RBBP9: variants seen among roughly 807,000 people sequenced by gnomAD.
RBBP9 encodes the protein RB binding protein 9, serine hydrolase, also known as serine hydrolase RBBP9.
A neutral mutation model predicts 24.2 loss-of-function variants in RBBP9; 20 were observed. The observed-to-expected ratio is 0.83, with a 90% CI of 0.58 to 1.20. The LOEUF is 1.20. Ranked by LOEUF, RBBP9 falls within the 50% of genes most tolerant of loss-of-function variation. RBBP9 has a pLI of 0.00. For synonymous variants in RBBP9, 74 were observed against 84.6 expected, an observed-to-expected ratio of 0.87 and a Z score of 0.69; for missense variants, 234 against 233.6, an observed-to-expected ratio of 1.00 and a Z score of -0.01.
chr20:18,496,005 G>A, intron 1 of RBBP9, 125 bp from the exon 2 acceptor site: 1 of 827,952 alleles, frequency 1.2e-6, no homozygotes, highest in South Asian at 1.9e-5. Context: ...GTTATGAAAT[G>A]AAGTAGGTTA....
At chr20:18,495,644 GAAA>G (rs11476688) in intron 2 of RBBP9, among the ~76,000 whole-genome samples, 191 bp downstream of exon 2, 1 of 91,728 alleles carries the variant, frequency 1.1e-5, no homozygotes, top group Non-Finnish European at 2.3e-5. Context: ...TCACAGAATT[GAAA>G]AAAAAAAAAA....
chr20:18,491,906 G>T (rs1350595712), intron 3 of RBBP9, among the ~76,000 whole-genome samples: 1 of 151,932 alleles, frequency 6.6e-6, no homozygotes, highest in East Asian at 1.9e-4. Flanking sequence ...AGACCAGCCT[G>T]ACCAATATGG....
In RBBP9 at chr20:18,494,312, T is replaced by C. The variant is rs78237563; in HGVS notation, c.143-249A>G. Among the ~76,000 whole-genome samples, 892 of 150,070 alleles carry C rather than the reference T, an allele frequency of 5.9e-3. 9 individuals are homozygous for C. The highest frequency in any genetic ancestry group is 0.021 in the African/African-American group (847 of 40,696). Reference sequence around the variant, plus strand: ...TTTTTTTTTTTTTTGGTTTACCATGTTCTTGTAAGAAAATACTAAGGAAAT... The same window carrying C: ...TTTTTTTTTTTTTTGGTTTACCATGCTCTTGTAAGAAAATACTAAGGAAAT... On this transcript the variant is annotated intron_variant, in intron 2 of 4. Coordinates refer to ENST00000337227, the MANE Select transcript of RBBP9 (RefSeq NM_006606.3).
At chr20:18,496,223 C>T (rs1376665989) in intron 1 of RBBP9, among the ~76,000 whole-genome samples, 1 of 152,116 alleles carries the variant, frequency 6.6e-6, no homozygotes. Context: ...AAACGTGGCA[C>T]AGGAACGTGA....
In RBBP9 at chr20:18,487,158, A is replaced by C. The variant is rs936279497; in HGVS notation, c.*2606T>G. 2.6e-5 allele frequency: 4 copies of C among 152,232 alleles called. No homozygotes were observed. The highest frequency in any genetic ancestry group is 9.6e-5 in the African/African-American group (4 of 41,456). 9.4% of individuals were successfully genotyped at this position (152,232 alleles called of 1,614,324 possible). ...GTCAGTAAGGTAACCAATAGCCACC[A>C]GTGGCTGTTGAGCACTTGAAATATG... On this transcript the variant is annotated 3_prime_UTR_variant, in exon 5 of 5. Coordinates refer to ENST00000337227, the MANE Select transcript of RBBP9 (RefSeq NM_006606.3).
intron 1 of RBBP9, among the ~76,000 whole-genome samples, chr20:18,496,363 A>T (rs1187794717): frequency 6.6e-6 from 1 of 152,216 alleles, no homozygotes; most frequent in Non-Finnish European, 1.5e-5. Flanking sequence ...ACAGCAACCC[A>T]GGGAGCCGAC....
intron 2 of RBBP9, among the ~76,000 whole-genome samples, chr20:18,495,108 C>A (rs572747051): frequency 6.7e-6 from 1 of 149,084 alleles, no homozygotes; most frequent in Non-Finnish European, 1.5e-5. Context: ...TCATTGAGAA[C>A]GGGCCATGAT....
intron 3 of RBBP9, among the ~76,000 whole-genome samples, chr20:18,492,033 G>T (rs1413954582): frequency 6.9e-6 from 1 of 145,868 alleles, no homozygotes; most frequent in Non-Finnish European, 1.5e-5. Flanking sequence ...GGAGGCAGAG[G>T]TTGCAGTGAG....
intron 1 of RBBP9, among the ~76,000 whole-genome samples, chr20:18,496,138 A>C (rs1254938490): frequency 1.3e-5 from 2 of 152,212 alleles, no homozygotes; most frequent in Non-Finnish European, 2.9e-5. Context: ...GCCTGCATCT[A>C]TAGAGAGGCA....
chr20:18,490,069 C>G (rs944324132), intron 4 of RBBP9, 79 bp from the exon 5 acceptor site: 2 of 1,032,822 alleles, frequency 1.9e-6, no homozygotes. Context: ...TACTGGCGAC[C>G]CACATAGAGA....
At chr20:18,493,805 C>CA (rs1050012940) in intron 3 of RBBP9, among the ~76,000 whole-genome samples, 153 bp downstream of exon 3, 21 of 152,282 alleles carry the variant, frequency 1.4e-4, no homozygotes, top group African/African-American at 4.8e-4. Context: ...AATCCACTAG[C>CA]AAAACCAGGA....
chr20:18,495,240 C>G (rs991228160), intron 2 of RBBP9, among the ~76,000 whole-genome samples: 6 of 147,230 alleles, frequency 4.1e-5, no homozygotes, highest in African/African-American at 1.5e-4. Flanking sequence ...TTGTTCTGTA[C>G]TAAGAAAAAT....
Position 18,496,272 on chromosome 20 carries a change from G to T in RBBP9, c.100-392C>A, listed in dbSNP as rs893031241. ...AGACAGCATACTCTCAGAAGCTCCAGCCCTGACCTTTGGGGTTGTAACTCT... is the reference window on the plus strand; with the variant it reads ...AGACAGCATACTCTCAGAAGCTCCATCCCTGACCTTTGGGGTTGTAACTCT... On this transcript the variant is annotated intron_variant, in intron 1 of 4. Transcript: ENST00000337227. Among the ~76,000 whole-genome samples, 3 of 152,206 alleles carry T rather than the reference G, an allele frequency of 2.0e-5. No homozygotes were observed. The East Asian group carries it at 5.8e-4, about 29-fold the overall frequency.
Position 18,497,221 on chromosome 20 carries a change from C to A in RBBP9, c.-54G>T. 6.9e-7 allele frequency: 1 copy of A among 1,456,182 alleles called. No individual in the cohort carries two copies. The highest frequency in any genetic ancestry group is 1.7e-5 in the Admixed American group (1 of 57,660). 90.2% of individuals were successfully genotyped at this position (1,456,182 alleles called of 1,614,324 possible). A position where few individuals can be genotyped will look rare whatever the true frequency, so the allele number is the denominator to read the frequency against. On this transcript the variant is annotated 5_prime_UTR_variant, in exon 1 of 5. Transcript: ENST00000337227. The stretch of plus-strand genomic sequence containing the variant: ...GCGGGTCCAGCGGAGCTGAGCCCAG[C>A]CTGCTCCCGCAGGGAGCCTGCGCCG...
intron 4 of RBBP9, 115 bp downstream of exon 4, chr20:18,490,280 C>T (rs2059860496): frequency 1.3e-6 from 1 of 790,198 alleles, no homozygotes; most frequent in South Asian, 1.6e-5. Flanking sequence ...ATATCTTTCT[C>T]ATATGCTATT....
Position 18,497,133 on chromosome 20 carries a change from C to G in RBBP9, c.35G>C (p.Gly12Ala). ...GGTGGTCACATCCCCGCCTCCGTTCCCGGGAACAATCACTGCCTTGCTAGG... is the reference window on the plus strand; with the variant it reads ...GGTGGTCACATCCCCGCCTCCGTTCGCGGGAACAATCACTGCCTTGCTAGG... ...ASPSKAVIVP[G>A]NGGGDVTTHG... is the part of the protein sequence containing the mutation. The change falls in exon 1 of 5, where the codon GGG (glycine) becomes GCG (alanine). Residue 12 changes from glycine (G) to alanine (A), a missense_variant. Transcript: ENST00000337227. The G allele has an allele frequency of 1.2e-6, 2 of 1,614,228 alleles. No individual in the cohort carries two copies. Among genetic ancestry groups the G allele is most frequent in the Non-Finnish European group, 1.7e-6 (2 of 1,180,024 alleles).
chr20:18,487,894 G>C lies in RBBP9; in HGVS notation c.*1870C>G, dbSNP rs565170441. On this transcript the variant is annotated 3_prime_UTR_variant, in exon 5 of 5. Coordinates refer to ENST00000337227, the MANE Select transcript of RBBP9 (RefSeq NM_006606.3). ...GAACCCGGGAGGTGCAGGTTAGAGT[G>C]AGCTGAGATTTGTGCCACTGACCTC... is the stretch of plus-strand genomic sequence containing the variant. 1 of 152,350 alleles carries C rather than the reference G, an allele frequency of 6.6e-6. No homozygotes were observed. Among genetic ancestry groups the C allele is most frequent in the Admixed American group, 6.5e-5 (1 of 15,302 alleles). The allele number at this position is 152,350 out of a possible 1,614,324, so 9.4% of individuals were successfully genotyped here.
At position 18,490,435 on chromosome 20, in the gene RBBP9, C is replaced by T. The variant is rs148331508; in HGVS notation, c.294G>A (p.Ala98=). 6.7e-5 allele frequency: 108 copies of T among 1,613,616 alleles called. No individual in the cohort carries two copies. Among genetic ancestry groups the T allele is most frequent in the Middle Eastern group, 3.3e-4 (2 of 6,082 alleles). The part of the protein sequence containing the change: ...HRVYAIVLVS[A]YTSDLGDENE... ...TTTCATCCCCCAAGTCTGATGTGTA[C>T]GCAGACACTAATACAATAGCATATA... Residue 98 remains alanine (A), a synonymous_variant, in exon 4 of 5, where the codon GCG becomes GCA. Transcript: ENST00000337227.
intron 1 of RBBP9, among the ~76,000 whole-genome samples, chr20:18,496,274 C>G (rs1231007878): frequency 6.6e-6 from 1 of 152,144 alleles, no homozygotes; most frequent in Non-Finnish European, 1.5e-5. Context: ...AAGCTCCAGC[C>G]CTGACCTTTG....
Sources: allele counts gnomAD v4.1 joint callset (sites outside exome capture counted in the v4.1 genomes callset), GRCh38; gene constraint gnomAD v4.1.1; transcripts MANE v1.5; gene names NCBI Gene and HGNC (gene_info 2026-07-23, HGNC 2026-07-21).